The following ADGRL3 variants were observed in gnomAD, a reference collection of about 807,000 sequenced individuals.
ADGRL3 encodes adhesion G protein-coupled receptor L3.
ADGRL3 carries 62 observed loss-of-function variants against 153.5 expected under a neutral mutation model. The observed-to-expected ratio is 0.40, with a 90% CI of 0.33 to 0.50. The LOEUF is 0.50. Ranked by LOEUF, ADGRL3 falls within the 20% of genes least tolerant of loss-of-function variation. ADGRL3 has a pLI of 0.47. For synonymous variants in ADGRL3, 710 were observed against 672.5 expected (o/e 1.06, Z -0.86); for missense variants, 1,641 against 1,859.4 (o/e 0.88, Z 2.16).
At chr4:61,915,608 G>A (rs1344052874) in intron 13 of ADGRL3, among the ~76,000 whole-genome samples, 1 of 152,052 alleles carries the variant, frequency 6.6e-6, no homozygotes, top group Admixed American at 6.6e-5. Flanking sequence ...ATGAATAAAT[G>A]TTTCAGCTAT....
intron 2 of ADGRL3, among the ~76,000 whole-genome samples, chr4:61,392,529 T>C (rs1418554891): frequency 2.0e-5 from 3 of 150,862 alleles, no homozygotes; most frequent in African/African-American, 7.3e-5. Context: ...CTACTAAGAA[T>C]ACAAAAACTA....
At chr4:61,573,730 G>T (rs2098848567) in intron 4 of ADGRL3, among the ~76,000 whole-genome samples, 1 of 151,900 alleles carries the variant, frequency 6.6e-6, no homozygotes, top group Admixed American at 6.6e-5. Flanking sequence ...TATAAAGAAT[G>T]AAATGAAAAA....
intron 9 of ADGRL3, among the ~76,000 whole-genome samples, chr4:61,836,755 A>G (rs185953342): frequency 3.9e-5 from 6 of 152,184 alleles, no homozygotes; most frequent in Admixed American, 2.6e-4. Flanking sequence ...TATGTTCTTG[A>G]TTAGGAAAAA....
intron 4 of ADGRL3, among the ~76,000 whole-genome samples, chr4:61,586,798 A>G (rs1210062117): frequency 6.6e-6 from 1 of 152,090 alleles, no homozygotes; most frequent in Non-Finnish European, 1.5e-5. Flanking sequence ...GATTACTTAA[A>G]TAAGTATATT....
intron 5 of ADGRL3, among the ~76,000 whole-genome samples, chr4:61,647,587 G>A (rs2094075699): frequency 1.3e-5 from 2 of 151,968 alleles, no homozygotes; most frequent in African/African-American, 4.8e-5. Flanking sequence ...ATTTTTAGAG[G>A]ATTATGAGAA....
At chr4:61,225,876 C>T (rs1449666083) in intron 1 of ADGRL3, among the ~76,000 whole-genome samples, 1 of 152,102 alleles carries the variant, frequency 6.6e-6, no homozygotes, top group Non-Finnish European at 1.5e-5. Context: ...TCTTTCCTGG[C>T]CCATGGTCAG....
At chr4:61,229,655 T>C (rs1011206367) in intron 1 of ADGRL3, among the ~76,000 whole-genome samples, 8 of 152,122 alleles carry the variant, frequency 5.3e-5, no homozygotes, top group African/African-American at 1.9e-4. Flanking sequence ...TGGTGGCTTA[T>C]GACTATAATT....
intron 8 of ADGRL3, among the ~76,000 whole-genome samples, chr4:61,804,440 G>A (rs1202353611): frequency 6.6e-6 from 1 of 152,082 alleles, no homozygotes. Context: ...TTCTTTATAA[G>A]AACGTTAATT....
At chr4:61,722,799 ATC>A in intron 6 of ADGRL3, among the ~76,000 whole-genome samples, 1 of 152,074 alleles carries the variant, frequency 6.6e-6, no homozygotes, top group Non-Finnish European at 1.5e-5. Context: ...TGGAGCTAAT[ATC>A]TCAATTATCT....
intron 2 of ADGRL3, among the ~76,000 whole-genome samples, chr4:61,463,313 T>C (rs2097845317): frequency 1.3e-5 from 2 of 152,180 alleles, no homozygotes; most frequent in African/African-American, 4.8e-5. Context: ...CCACAGGCTG[T>C]ACAGGAAGCA....
At chr4:61,426,996 A>G (rs2097290743) in intron 2 of ADGRL3, 1 of 152,110 alleles carries the variant, frequency 6.6e-6, no homozygotes, top group African/African-American at 2.4e-5. Context: ...TTTTTATGGC[A>G]CAAAGTCCCT....
chr4:62,011,175 G>T (rs2151251823), intron 21 of ADGRL3, among the ~76,000 whole-genome samples: 1 of 152,096 alleles, frequency 6.6e-6, no homozygotes, highest in Non-Finnish European at 1.5e-5. Flanking sequence ...CCCATCACTA[G>T]GTTCATGGCT....
intron 1 of ADGRL3, among the ~76,000 whole-genome samples, chr4:61,218,413 G>T (rs1743867458): frequency 6.6e-6 from 1 of 152,022 alleles, no homozygotes; most frequent in Non-Finnish European, 1.5e-5. Context: ...TAACAGAACG[G>T]ATCCTCCTAC....
chr4:61,346,684 A>AG (rs920999107), intron 1 of ADGRL3, among the ~76,000 whole-genome samples: 8 of 149,302 alleles, frequency 5.4e-5, no homozygotes, highest in African/African-American at 1.7e-4. Flanking sequence ...CTGAGACAAG[A>AG]GGACTGCATT....
chr4:61,912,426 A>G (rs1202984821), intron 12 of ADGRL3, among the ~76,000 whole-genome samples: 1 of 152,178 alleles, frequency 6.6e-6, no homozygotes, highest in African/African-American at 2.4e-5. Flanking sequence ...CGAATGAAGT[A>G]TATTGATTTT....
At chr4:61,559,291 TCTG>T (rs1452435671) in intron 4 of ADGRL3, among the ~76,000 whole-genome samples, 1 of 152,110 alleles carries the variant, frequency 6.6e-6, no homozygotes, top group Admixed American at 6.6e-5. Context: ...ATAAACAAAA[TCTG>T]CTTGTAGAGA....
chr4:61,667,905 C>T (rs1044166520), intron 5 of ADGRL3, among the ~76,000 whole-genome samples: 4 of 152,152 alleles, frequency 2.6e-5, no homozygotes, highest in Non-Finnish European at 5.9e-5. Context: ...CAATGACATG[C>T]ATCTTACTAG....
chr4:61,248,968 A>G (rs1426590846), intron 1 of ADGRL3, among the ~76,000 whole-genome samples: 5 of 152,126 alleles, frequency 3.3e-5, no homozygotes, highest in African/African-American at 4.8e-5. Context: ...GAGTCAACTA[A>G]CTGTAGCAAT....
intron 2 of ADGRL3, among the ~76,000 whole-genome samples, chr4:61,484,186 C>T (rs2098164470): frequency 6.6e-6 from 1 of 152,034 alleles, no homozygotes; most frequent in Non-Finnish European, 1.5e-5. Context: ...AATGCTGCTC[C>T]AGTTCAATTT....
Sources: gnomAD v4.1 joint callset for allele counts (sites outside exome capture counted in the v4.1 genomes callset) on GRCh38, gnomAD v4.1.1 for gene constraint, MANE v1.5 for transcripts, NCBI Gene and HGNC (gene_info 2026-07-23, HGNC 2026-07-21) for gene names.